Variants in NFIB observed in about 807,000 individuals in gnomAD.
NFIB encodes nuclear factor I B, also known as nuclear factor 1 B-type.
Under a neutral mutation model 61.5 loss-of-function variants are expected in NFIB, and 11 were observed. The observed-to-expected ratio is 0.18, with a 90% CI of 0.11 to 0.30. NFIB has a LOEUF of 0.30. Ranked by LOEUF, NFIB falls within the 10% of genes least tolerant of loss-of-function variation. The pLI, the probability that NFIB is intolerant of heterozygous loss-of-function variation, is 1.00. For synonymous variants in NFIB, 260 were observed against 216.5 expected (o/e 1.20, Z -1.76); for missense variants, 471 against 608.9 (o/e 0.77, Z 2.38).
At chr9:14,506,514 G>T in the NFIB span, among the ~76,000 whole-genome samples, 1 of 152,100 alleles carries the variant, frequency 6.6e-6, no homozygotes, top group Non-Finnish European at 1.5e-5. Context: ...TAAAATAAAG[G>T]TTTCATAAGG....
intron 6 of NFIB, among the ~76,000 whole-genome samples, chr9:14,128,052 A>C (rs978174155): frequency 1.3e-5 from 2 of 152,134 alleles, no homozygotes; most frequent in African/African-American, 2.4e-5. Flanking sequence ...TCATTTTGCT[A>C]TCTTCAAGAT....
chr9:14,465,153 T>C, the NFIB span, among the ~76,000 whole-genome samples: 1 of 152,242 alleles, frequency 6.6e-6, no homozygotes, highest in Non-Finnish European at 1.5e-5. Context: ...GCTCTCATTA[T>C]GGTTCATATG....
chr9:14,242,159 G>C (rs2054432981), intron 2 of NFIB, among the ~76,000 whole-genome samples: 1 of 152,182 alleles, frequency 6.6e-6, no homozygotes, highest in Non-Finnish European at 1.5e-5. Flanking sequence ...AACATAACTA[G>C]TGAGTCTTTA....
chr9:14,143,991 A>AGT (rs141101627), intron 6 of NFIB, among the ~76,000 whole-genome samples: 38,619 of 134,000 alleles, frequency 0.29, 5,970 homozygotes, highest in Non-Finnish European at 0.37. Context: ...AAAGTGACAG[A>AGT]GTGTGTGTGT....
At chr9:14,417,381 T>C in the NFIB span, among the ~76,000 whole-genome samples, 1 of 152,212 alleles carries the variant, frequency 6.6e-6, no homozygotes, top group African/African-American at 2.4e-5. Flanking sequence ...ACCATCTGGG[T>C]TTGTGTAAGC....
At chr9:14,141,069 G>T (rs1035541043) in intron 6 of NFIB, among the ~76,000 whole-genome samples, 2 of 152,090 alleles carry the variant, frequency 1.3e-5, no homozygotes, top group Non-Finnish European at 2.9e-5. Flanking sequence ...TGGGCCCTCT[G>T]GCTTAATGCG....
At chr9:14,344,276 G>C (rs919769956) in intron 1 of NFIB, among the ~76,000 whole-genome samples, 1 of 152,006 alleles carries the variant, frequency 6.6e-6, no homozygotes, top group African/African-American at 2.4e-5. Context: ...GGCCGAGAGA[G>C]GGGGGTGATG....
At position 14,314,059 on chromosome 9, in the gene NFIB, C is replaced by G. The variant is rs1394452752; in HGVS notation, c.-548G>C. On this transcript the variant is annotated 5_prime_UTR_variant, in exon 1 of 11. Transcript: ENST00000380953. ...AAGGTTACAGCCCCAAGCACTGCGG[C>G]AGGATCCCGGAGTGGTGATCGCAGG... The G allele has an allele frequency of 9.4e-7, 1 of 1,063,126 alleles. No homozygotes were observed. The allele number at this position is 1,063,126 out of a possible 1,614,324, so 65.9% of individuals were successfully genotyped here. A position where few individuals can be genotyped will look rare whatever the true frequency, so the allele number is the denominator to read the frequency against.
the NFIB span, among the ~76,000 whole-genome samples, chr9:14,457,505 C>A: frequency 6.6e-6 from 1 of 151,162 alleles, no homozygotes; most frequent in East Asian, 1.9e-4. Context: ...CAAGAAATAA[C>A]TAAGATCAGA....
intron 2 of NFIB, among the ~76,000 whole-genome samples, chr9:14,232,350 G>A (rs2131951627): frequency 6.6e-6 from 1 of 152,306 alleles, no homozygotes; most frequent in Non-Finnish European, 1.5e-5. Context: ...AGTTAACACA[G>A]AGCAGCCATG....
the NFIB span, among the ~76,000 whole-genome samples, chr9:14,431,564 T>C: frequency 1.3e-5 from 2 of 152,112 alleles, no homozygotes; most frequent in Non-Finnish European, 2.9e-5. Context: ...TGGCTTCTGT[T>C]TGTTTGTATA....
At chr9:14,169,088 G>A (rs1230217731) in intron 3 of NFIB, among the ~76,000 whole-genome samples, 1 of 152,104 alleles carries the variant, frequency 6.6e-6, no homozygotes, top group African/African-American at 2.4e-5. Flanking sequence ...TTCAGAAAAT[G>A]ACAGCAGTCC....
chr9:14,251,824 C>T (rs376159180), intron 2 of NFIB, among the ~76,000 whole-genome samples: 10 of 152,180 alleles, frequency 6.6e-5, no homozygotes, highest in East Asian at 5.8e-4. Flanking sequence ...ACAAAACAAA[C>T]AGGTCCAACT....
chr9:14,208,059 T>C (rs1408555528), intron 2 of NFIB, among the ~76,000 whole-genome samples: 9 of 152,202 alleles, frequency 5.9e-5, no homozygotes, highest in Non-Finnish European at 1.3e-4. Context: ...GTTCAAAATC[T>C]AAATTCAAAG....
At chr9:14,494,816 T>A in the NFIB span, among the ~76,000 whole-genome samples, 3 of 152,146 alleles carry the variant, frequency 2.0e-5, no homozygotes, top group Non-Finnish European at 4.4e-5. Flanking sequence ...CTGGCCACTC[T>A]CAATTGCCTA....
the NFIB span, among the ~76,000 whole-genome samples, chr9:14,501,068 G>T: frequency 6.6e-6 from 1 of 152,142 alleles, no homozygotes; most frequent in Admixed American, 6.5e-5. Flanking sequence ...CTAACTCATC[G>T]CAGTGGATCT....
intron 1 of NFIB, chr9:14,357,241 TC>T (rs1221296497): frequency 6.6e-6 from 1 of 152,182 alleles, no homozygotes; most frequent in Non-Finnish European, 1.5e-5. Flanking sequence ...ATTTTTTTTT[TC>T]CTCTTCTTTC....
chr9:14,458,434 G>A, the NFIB span, among the ~76,000 whole-genome samples: 3 of 152,316 alleles, frequency 2.0e-5, no homozygotes, highest in East Asian at 5.8e-4. Context: ...ATATCTGGAA[G>A]CATTCCCTTT....
intron 3 of NFIB, among the ~76,000 whole-genome samples, chr9:14,156,844 T>G (rs920699468): frequency 6.6e-6 from 1 of 152,166 alleles, no homozygotes; most frequent in Non-Finnish European, 1.5e-5. Flanking sequence ...TTGAAATACA[T>G]CTGAGAAACA....
Sources: allele counts gnomAD v4.1 joint callset (sites outside exome capture counted in the v4.1 genomes callset), GRCh38; gene constraint gnomAD v4.1.1; transcripts MANE v1.5; gene names NCBI Gene and HGNC (gene_info 2026-07-23, HGNC 2026-07-21).